The following PAPOLA variants were observed in gnomAD, a reference collection of about 807,000 sequenced individuals.
PAPOLA encodes poly(A) polymerase alpha, also known as polynucleotide adenylyltransferase alpha.
PAPOLA carries 15 observed loss-of-function variants against 100.6 expected under a neutral mutation model. The observed-to-expected ratio is 0.15, with a 90% CI of 0.10 to 0.23. The LOEUF (loss-of-function observed/expected upper bound fraction) is 0.23. Among genes scored for constraint, PAPOLA ranks in the 10% least tolerant of loss-of-function variants. The pLI is 1.00. For missense variants in PAPOLA, 533 were observed against 884.2 expected, an observed-to-expected ratio of 0.60 and a Z score of 5.04; for synonymous variants, 293 against 300.0, an observed-to-expected ratio of 0.98 and a Z score of 0.24.
chr14:96,547,780 A>G lies in PAPOLA; in HGVS notation c.1400-17A>G, dbSNP rs761252085. On this transcript the variant is annotated splice_polypyrimidine_tract_variant and intron_variant, in intron 15 of 21. Transcript: ENST00000216277. ...TAAAATGTTTCTATTTCTTGTAACA[A>G]TTTCCTAATTGTATAGTTTATAGGC... The G allele has an allele frequency of 4.6e-5, 73 of 1,572,288 alleles. No individual in the cohort carries two copies. Among genetic ancestry groups the G allele is most frequent in the Admixed American group, 1.6e-4 (8 of 51,274 alleles).
rs137931874 is a variant in PAPOLA, at chr14:96,509,190, C to T, written c.8+6590C>T. 5.3e-5 allele frequency among the ~76,000 whole-genome samples: 8 copies of T among 152,216 alleles called. 1 individual carries two copies. The South Asian group carries it at 1.0e-3, about 20-fold the overall frequency. On this transcript the variant is annotated intron_variant, in intron 1 of 21. Transcript: ENST00000216277. ...GGGACTACAGGCACGCACCACCATA[C>T]GTGGCCAATTTTTGTATTTTTTACT...
intron 1 of PAPOLA, among the ~76,000 whole-genome samples, chr14:96,514,817 G>A (rs1897339457): frequency 6.6e-6 from 1 of 152,124 alleles, no homozygotes. Flanking sequence ...TAAATTCTAA[G>A]GTAAATCTGC....
chr14:96,563,438 TTG>T (rs1171323252), intron 21 of PAPOLA, among the ~76,000 whole-genome samples: 2 of 152,178 alleles, frequency 1.3e-5, no homozygotes, highest in African/African-American at 4.8e-5. Context: ...TCTTTTTTCA[TTG>T]ATTTGTGAAC....
Position 96,528,025 on chromosome 14 carries a change from T to C in PAPOLA, c.495+19T>C. On this transcript the variant is annotated intron_variant, in intron 6 of 21. Coordinates refer to ENST00000216277, the MANE Select transcript of PAPOLA (RefSeq NM_032632.5). ...GATAGAGGTAAGGTATAGTTCAAAT[T>C]GACAGTTCTTGCTATGTGCTGTCAC... 1 of 1,541,920 alleles carries C rather than the reference T, an allele frequency of 6.5e-7. No individual in the cohort carries two copies. The highest frequency in any genetic ancestry group is 1.4e-5 in the African/African-American group (1 of 73,672).
chr14:96,558,129 A>G lies in PAPOLA; in HGVS notation c.2004+1716A>G, dbSNP rs542376670. Among the ~76,000 whole-genome samples, 5 of 96,420 alleles carry G rather than the reference A, an allele frequency of 5.2e-5. No individual in the cohort carries two copies. In the Admixed American group the frequency reaches 6.0e-4, roughly 12 times the overall value. The allele number at this position is 96,420 out of a possible 152,430, so 63.3% of individuals were successfully genotyped here. On this transcript the variant is annotated intron_variant, in intron 19 of 21. Coordinates refer to ENST00000216277, the MANE Select transcript of PAPOLA (RefSeq NM_032632.5). ...CAGTGATTTTCATCATTGGTTGTAC[A>G]ACAGAATTAGTTTTTGGGGTTTTTT...
chr14:96,502,775 C>A, intron 1 of PAPOLA, 175 bp downstream of exon 1: 1 of 630,122 alleles, frequency 1.6e-6, no homozygotes, highest in Non-Finnish European at 2.5e-6. Context: ...CCGCACTTCC[C>A]CCCGTGTGCT....
rs1006106698 is a variant in PAPOLA at position 96,566,275 on chromosome 14, A to T, written c.*1225A>T. 5.1e-6 allele frequency: 1 copy of T among 195,248 alleles called. No individual in the cohort carries two copies. The highest frequency in any genetic ancestry group is 1.0e-5 in the Non-Finnish European group (1 of 96,486). The allele number at this position is 195,248 out of a possible 1,614,324, so 12.1% of individuals were successfully genotyped here. A position where few individuals can be genotyped will look rare whatever the true frequency, so the allele number is the denominator to read the frequency against. ...AAATCATTTCTAGCAAGCACTTGAC[A>T]TCTAGTCAGCTCTCTACTCCTTTAT... On this transcript the variant is annotated 3_prime_UTR_variant, in exon 22 of 22. Coordinates refer to ENST00000216277, the MANE Select transcript of PAPOLA (RefSeq NM_032632.5).
At chr14:96,535,048 A>AT in intron 10 of PAPOLA, 1 of 980,150 alleles carries the variant, frequency 1.0e-6, no homozygotes, top group Non-Finnish European at 1.2e-6. Context: ...TATTTTAGAG[A>AT]TTATAAAAAC....
At position 96,536,008 on chromosome 14, in the gene PAPOLA, T is replaced by C. The variant is rs150210401; in HGVS notation, c.1030+9T>C. On this transcript the variant is annotated intron_variant, in intron 11 of 21. Coordinates refer to ENST00000216277, the MANE Select transcript of PAPOLA (RefSeq NM_032632.5). ...TGAGGAGTTTAAACAAGGTAAGTGT[T>C]TATCCTTATGCTCTGATTTATACAG... 1.9e-4 allele frequency: 295 copies of C among 1,588,362 alleles called. No homozygotes were observed. The East Asian group carries it at 6.6e-3, about 35-fold the overall frequency.
chr14:96,541,959 G>A (rs915891664), intron 12 of PAPOLA: 32 of 214,106 alleles, frequency 1.5e-4, no homozygotes, highest in South Asian at 1.4e-3. Flanking sequence ...GCACTCAATC[G>A]GTGTCATTGA....
At chr14:96,564,905 T>A in intron 21 of PAPOLA, 50 bp from the exon 22 acceptor site, 2 of 953,888 alleles carry the variant, frequency 2.1e-6, no homozygotes, top group Non-Finnish European at 3.4e-6. Flanking sequence ...CATCTCATTG[T>A]TAAATTATGG....
At chr14:96,519,970 T>TA in intron 1 of PAPOLA, 85 bp from the exon 2 acceptor site, 1 of 1,137,936 alleles carries the variant, frequency 8.8e-7, no homozygotes, top group Non-Finnish European at 1.3e-6. Flanking sequence ...AAATGTGTGT[T>TA]ACTAAATTAG....
At chr14:96,513,567 T>C (rs1337381210) in intron 1 of PAPOLA, among the ~76,000 whole-genome samples, 1 of 152,230 alleles carries the variant, frequency 6.6e-6, no homozygotes, top group Non-Finnish European at 1.5e-5. Context: ...CATATTGCCT[T>C]TTAAAATGAT....
chr14:96,538,185 G>A (rs1253555520), intron 12 of PAPOLA, among the ~76,000 whole-genome samples: 2 of 151,938 alleles, frequency 1.3e-5, no homozygotes, highest in Non-Finnish European at 2.9e-5. Flanking sequence ...AAGAGACACA[G>A]TTACATGTAA....
intron 1 of PAPOLA, among the ~76,000 whole-genome samples, chr14:96,504,050 A>G (rs1896536416): frequency 6.6e-6 from 1 of 152,174 alleles, no homozygotes; most frequent in Non-Finnish European, 1.5e-5. Context: ...TTTCCCTTTC[A>G]TAGAATAAGA....
chr14:96,502,791 CCCGCGT>C, intron 1 of PAPOLA, 191 bp downstream of exon 1: 3 of 564,570 alleles, frequency 5.3e-6, no homozygotes, highest in Non-Finnish European at 8.8e-6. Flanking sequence ...GTGCTGGGTT[CCCGCGT>C]CCCCCGACCC....
At chr14:96,531,812 A>G in intron 7 of PAPOLA, 1 of 1,416,092 alleles carries the variant, frequency 7.1e-7, no homozygotes, top group Non-Finnish European at 9.1e-7. Flanking sequence ...TATACTCAGG[A>G]CACTTAAAAA....
At chr14:96,533,506 T>G (rs1174215434) in intron 9 of PAPOLA, 1 of 980,454 alleles carries the variant, frequency 1.0e-6, no homozygotes, top group African/African-American at 1.8e-5. Context: ...TTAGTAGCAC[T>G]TATAATCAGG....
chr14:96,550,259 T>A (rs1339205558), intron 16 of PAPOLA, among the ~76,000 whole-genome samples: 1 of 152,238 alleles, frequency 6.6e-6, no homozygotes, highest in East Asian at 1.9e-4. Context: ...ATTTAATTCA[T>A]AATCAAATAG....
Sources: gnomAD v4.1 joint callset for allele counts (sites outside exome capture counted in the v4.1 genomes callset) on GRCh38, gnomAD v4.1.1 for gene constraint, MANE v1.5 for transcripts, NCBI Gene and HGNC (gene_info 2026-07-23, HGNC 2026-07-21) for gene names.